Variants in TLK1 observed in about 807,000 individuals in gnomAD.
TLK1 encodes serine/threonine-protein kinase tousled-like 1.
In TLK1, 24 loss-of-function variants were observed where a neutral mutation model predicts 105.3. That is an observed-to-expected ratio of 0.23 (90% CI 0.17 to 0.32). The LOEUF (loss-of-function observed/expected upper bound fraction) is 0.32, where lower values mean the gene tolerates loss of function less well. TLK1 is among the 10% of genes least tolerant of loss of function. TLK1 has a pLI of 1.00. For synonymous variants in TLK1, 321 were observed against 310.4 expected (o/e 1.03, Z -0.36); for missense variants, 558 against 910.5 (o/e 0.61, Z 4.98).
chr2:171,016,272 A>G (rs1685208943), intron 12 of TLK1, among the ~76,000 whole-genome samples: 1 of 151,980 alleles, frequency 6.6e-6, no homozygotes, highest in South Asian at 2.1e-4. Flanking sequence ...CTTCCCAGTA[A>G]CTAGGACTAC....
chr2:171,129,683 T>A (rs938362441), intron 1 of TLK1, among the ~76,000 whole-genome samples: 7 of 151,658 alleles, frequency 4.6e-5, no homozygotes, highest in Non-Finnish European at 8.8e-5. Flanking sequence ...TACAAAAAAA[T>A]TTAAAAAATT....
At chr2:171,127,668 GA>G (rs1350675221) in intron 1 of TLK1, among the ~76,000 whole-genome samples, 4 of 151,642 alleles carry the variant, frequency 2.6e-5, no homozygotes, top group Admixed American at 6.6e-5. Flanking sequence ...AATCCATTTA[GA>G]ATTATATATA....
intron 1 of TLK1, among the ~76,000 whole-genome samples, chr2:171,175,462 G>A (rs1692804216): frequency 2.0e-5 from 3 of 152,156 alleles, no homozygotes; most frequent in African/African-American, 7.2e-5. Context: ...ATGATTTAAA[G>A]TTTTTAAGTA....
chr2:171,183,556 T>C (rs1558983356), intron 1 of TLK1, among the ~76,000 whole-genome samples: 1 of 150,950 alleles, frequency 6.6e-6, no homozygotes, highest in Non-Finnish European at 1.5e-5. Flanking sequence ...ACTATGGATA[T>C]TATCTGTCTA....
chr2:171,068,113 G>A (rs1441252739), intron 3 of TLK1, among the ~76,000 whole-genome samples: 1 of 152,070 alleles, frequency 6.6e-6, no homozygotes, highest in Admixed American at 6.5e-5. Context: ...GATCACCTGA[G>A]GTCAGGAGTT....
intron 4 of TLK1, among the ~76,000 whole-genome samples, chr2:171,060,529 G>A (rs1323826485): frequency 6.6e-6 from 1 of 152,084 alleles, no homozygotes; most frequent in Admixed American, 6.5e-5. Context: ...CATTATACAC[G>A]ATTTAAGAGC....
intron 2 of TLK1, among the ~76,000 whole-genome samples, chr2:171,088,049 G>A (rs1300475328): frequency 5.9e-5 from 9 of 151,966 alleles, no homozygotes; most frequent in Admixed American, 5.9e-4. Flanking sequence ...ACCCATCCAT[G>A]GCTGGGTATG....
intron 18 of TLK1, among the ~76,000 whole-genome samples, chr2:170,998,080 AT>A (rs1363025811): frequency 3.2e-4 from 31 of 96,292 alleles, no homozygotes; most frequent in African/African-American, 9.3e-4. Context: ...CTATCTATCT[AT>A]CTATCTATCT....
intron 1 of TLK1, among the ~76,000 whole-genome samples, chr2:171,143,087 ATGAC>A (rs1486363623): frequency 4.1e-4 from 62 of 152,294 alleles, no homozygotes; most frequent in African/African-American, 1.5e-3. Flanking sequence ...CAATAAATGA[ATGAC>A]TGAATGAAGG....
chr2:171,210,247 G>A (rs1693587849), intron 1 of TLK1, among the ~76,000 whole-genome samples: 1 of 151,988 alleles, frequency 6.6e-6, no homozygotes, highest in Admixed American at 6.6e-5. Flanking sequence ...AGGTTATAAT[G>A]CCACTCACAC....
chr2:171,186,809 C>T (rs1693032803), intron 1 of TLK1, among the ~76,000 whole-genome samples: 1 of 151,988 alleles, frequency 6.6e-6, no homozygotes, highest in African/African-American at 2.4e-5. Context: ...CTTGTAATCT[C>T]AGTACTTTGG....
chr2:171,179,042 G>T (rs1283420868), intron 1 of TLK1, among the ~76,000 whole-genome samples: 2 of 152,294 alleles, frequency 1.3e-5, no homozygotes, highest in Admixed American at 1.3e-4. Flanking sequence ...CTAATGATGG[G>T]TTTGAAGACT....
chr2:171,137,281 C>CA (rs577485926), intron 1 of TLK1, among the ~76,000 whole-genome samples: 65 of 139,124 alleles, frequency 4.7e-4, no homozygotes, highest in Non-Finnish European at 4.7e-4. Flanking sequence ...GACCCTGTTT[C>CA]AAAAAAAAAA....
In TLK1 at chr2:171,070,871, T is replaced by TA. The variant is rs1688221161; in HGVS notation, c.331-9716dup. On this transcript the variant is annotated intron_variant, in intron 3 of 20. Transcript: ENST00000431350. ...GAACTGTTCTTCATAGTGGTTGTAC[T>TA]AATCTTCACTTCTACCAACAGTGTA... Among the ~76,000 whole-genome samples, 3 of 152,364 alleles carry TA rather than the reference T, an allele frequency of 2.0e-5. No homozygotes were observed. In the South Asian group the frequency reaches 6.2e-4, roughly 32 times the overall value.
intron 20 of TLK1, chr2:170,994,625 C>CTA (rs1683964805): frequency 2.0e-6 from 1 of 506,952 alleles, no homozygotes; most frequent in African/African-American, 1.9e-5. Flanking sequence ...GTAAATACAT[C>CTA]TATGTAACTG....
At chr2:170,995,099 G>A (rs1211055552) in intron 20 of TLK1, among the ~76,000 whole-genome samples, 2 of 151,934 alleles carry the variant, frequency 1.3e-5, no homozygotes, top group Non-Finnish European at 2.9e-5. Flanking sequence ...TCCCTTAGAG[G>A]ACTTATCTTT....
chr2:171,080,075 T>C (rs1320531291), intron 3 of TLK1, among the ~76,000 whole-genome samples: 5 of 151,590 alleles, frequency 3.3e-5, no homozygotes, highest in Admixed American at 3.3e-4. Context: ...CTTACGCCTA[T>C]AATCCCAGCT....
intron 12 of TLK1, among the ~76,000 whole-genome samples, chr2:171,015,869 G>A (rs1199265003): frequency 4.6e-5 from 7 of 151,742 alleles, no homozygotes; most frequent in South Asian, 2.1e-4. Context: ...ACCTGAGGTC[G>A]GGAGTTCGAG....
chr2:171,214,134 A>T (rs1351811742), intron 1 of TLK1, among the ~76,000 whole-genome samples: 1 of 151,750 alleles, frequency 6.6e-6, no homozygotes, highest in Non-Finnish European at 1.5e-5. Flanking sequence ...TGAGCCCAGG[A>T]GCTCAAGGCT....
Sources: gnomAD v4.1 joint callset for allele counts (sites outside exome capture counted in the v4.1 genomes callset) on GRCh38, gnomAD v4.1.1 for gene constraint, MANE v1.5 for transcripts, NCBI Gene and HGNC (gene_info 2026-07-23, HGNC 2026-07-21) for gene names.